RBM33: variants seen among roughly 807,000 people sequenced by gnomAD.
RBM33 encodes the protein RNA binding motif protein 33.
A neutral mutation model predicts 132.6 loss-of-function variants in RBM33; 28 were observed. The ratio of observed to expected loss-of-function variants is 0.21; its 90% CI spans 0.16 to 0.29. The LOEUF (loss-of-function observed/expected upper bound fraction) is 0.29, where lower values mean the gene tolerates loss of function less well. RBM33 is among the 10% of genes least tolerant of loss of function. The pLI is 1.00. For synonymous variants in RBM33, 634 were observed against 593.0 expected (o/e 1.07, Z -1.01); for missense variants, 1,291 against 1,518.5 (o/e 0.85, Z 2.49).
chr7:155,673,743 C>CGCGTGT (rs1799055826), intron 3 of RBM33, among the ~76,000 whole-genome samples: 1 of 133,874 alleles, frequency 7.5e-6, no homozygotes, highest in African/African-American at 2.8e-5. Context: ...TATACATACA[C>CGCGTGT]ACGTGTATAT....
At chr7:155,662,486 C>T (rs1429790003) in intron 1 of RBM33, among the ~76,000 whole-genome samples, 5 of 152,090 alleles carry the variant, frequency 3.3e-5, no homozygotes, top group African/African-American at 1.2e-4. Flanking sequence ...AGTTTTGGAG[C>T]ACTCTTGTTC....
Position 155,755,944 on chromosome 7 carries a change from G to T in RBM33, c.2980-7868G>T, listed in dbSNP as rs565067137. On this transcript the variant is annotated intron_variant, in intron 14 of 17. Coordinates refer to ENST00000401878, the MANE Select transcript of RBM33 (RefSeq NM_053043.3). ...AAAAGCGATTTTTATAGCATTAAAA[G>T]ATAATCATTTGTGGGAAAAAAATGT... Among the ~76,000 whole-genome samples the T allele has an allele frequency of 2.0e-5, 3 of 152,172 alleles. No individual in the cohort carries two copies. The East Asian group carries it at 5.8e-4, about 29-fold the overall frequency.
chr7:155,695,174 C>T (rs1368066732), intron 5 of RBM33, among the ~76,000 whole-genome samples: 1 of 152,052 alleles, frequency 6.6e-6, no homozygotes, highest in Non-Finnish European at 1.5e-5. Flanking sequence ...TTCCGTATAT[C>T]TTCTTTGCTT....
intron 14 of RBM33, among the ~76,000 whole-genome samples, chr7:155,749,415 T>C (rs1195367151): frequency 6.6e-6 from 1 of 152,258 alleles, no homozygotes; most frequent in African/African-American, 2.4e-5. Context: ...TACTAGGTGG[T>C]AAAGCTGGGC....
Position 155,737,245 on chromosome 7 carries a change from C to T in RBM33, c.1261-285C>T, listed in dbSNP as rs544792035. On this transcript the variant is annotated intron_variant, in intron 9 of 17. Coordinates refer to ENST00000401878, the MANE Select transcript of RBM33 (RefSeq NM_053043.3). ...TAGAAAGCGCTACCATCTAGGTGCG[C>T]GTGTGTGTGTGTGTGTGTGTGATTA... 1.6e-3 allele frequency among the ~76,000 whole-genome samples: 243 copies of T among 149,262 alleles called. 5 individuals are homozygous for T. In the South Asian group the frequency reaches 0.034, roughly 21 times the overall value.
At chr7:155,658,744 A>C (rs756542303) in intron 1 of RBM33, among the ~76,000 whole-genome samples, 1 of 152,214 alleles carries the variant, frequency 6.6e-6, no homozygotes, top group Admixed American at 6.5e-5. Flanking sequence ...ATGTGACAGA[A>C]GGTAGTCAAG....
intron 9 of RBM33, among the ~76,000 whole-genome samples, chr7:155,737,197 G>A (rs967198340): frequency 1.3e-5 from 2 of 152,172 alleles, no homozygotes; most frequent in African/African-American, 4.8e-5. Context: ...AGCTACTAGT[G>A]TGTACTATAC....
intron 2 of RBM33, among the ~76,000 whole-genome samples, chr7:155,672,348 A>G (rs1022771597): frequency 1.3e-5 from 2 of 152,234 alleles, no homozygotes; most frequent in African/African-American, 4.8e-5. Flanking sequence ...ATAGTGAGGC[A>G]CTACCTATAG....
chr7:155,681,049 C>T, intron 5 of RBM33, 141 bp downstream of exon 5: 1 of 675,192 alleles, frequency 1.5e-6, no homozygotes, highest in African/African-American at 1.8e-5. Flanking sequence ...GTTTCTTTAT[C>T]TGAGCTATGA....
At chr7:155,743,907 C>T (rs1801431580) in intron 13 of RBM33, among the ~76,000 whole-genome samples, 1 of 152,184 alleles carries the variant, frequency 6.6e-6, no homozygotes, top group Non-Finnish European at 1.5e-5. Flanking sequence ...GACGCCATGT[C>T]TTGCTCTGTA....
At chr7:155,663,854 G>A (rs974467780) in intron 1 of RBM33, among the ~76,000 whole-genome samples, 13 of 152,148 alleles carry the variant, frequency 8.5e-5, no homozygotes, top group African/African-American at 2.7e-4. Context: ...TTGCTTGTAT[G>A]TATGTCTGAG....
chr7:155,671,513 G>A (rs776803512), intron 2 of RBM33, among the ~76,000 whole-genome samples: 10 of 152,116 alleles, frequency 6.6e-5, no homozygotes, highest in East Asian at 1.9e-4. Flanking sequence ...TCTAAAAGGC[G>A]TTATATAGAA....
At chr7:155,743,118 A>C (rs1251334056) in intron 13 of RBM33, among the ~76,000 whole-genome samples, 1 of 152,226 alleles carries the variant, frequency 6.6e-6, no homozygotes, top group African/African-American at 2.4e-5. Context: ...TTGTTTACCA[A>C]ATTGGAAGTA....
intron 5 of RBM33, among the ~76,000 whole-genome samples, chr7:155,691,162 C>T (rs1007519370): frequency 3.3e-5 from 5 of 152,126 alleles, no homozygotes; most frequent in Admixed American, 6.6e-5. Flanking sequence ...AGGCTTTGTT[C>T]GTTTCTTTTT....
At chr7:155,743,733 C>T (rs958456481) in intron 13 of RBM33, among the ~76,000 whole-genome samples, 4 of 152,102 alleles carry the variant, frequency 2.6e-5, no homozygotes, top group African/African-American at 7.2e-5. Flanking sequence ...AGTATTTCAG[C>T]TGCTGTTCTG....
intron 1 of RBM33, among the ~76,000 whole-genome samples, chr7:155,652,617 G>A (rs1265811100): frequency 6.6e-6 from 1 of 152,186 alleles, no homozygotes; most frequent in South Asian, 2.1e-4. Flanking sequence ...TAGAAATCTA[G>A]TAGATATCTT....
intron 9 of RBM33, among the ~76,000 whole-genome samples, chr7:155,735,805 G>T (rs1319298412): frequency 1.3e-5 from 2 of 151,398 alleles, no homozygotes; most frequent in Non-Finnish European, 2.9e-5. Flanking sequence ...ATTAATTAGG[G>T]GTAAAAGACC....
chr7:155,755,086 G>A (rs968245630), intron 14 of RBM33, among the ~76,000 whole-genome samples: 6 of 152,152 alleles, frequency 3.9e-5, no homozygotes, highest in African/African-American at 9.7e-5. Flanking sequence ...TAGAAACTTC[G>A]TACAGCATGC....
intron 9 of RBM33, among the ~76,000 whole-genome samples, chr7:155,725,006 G>C (rs1296076304): frequency 1.4e-5 from 2 of 139,314 alleles, no homozygotes. Context: ...GTGTGTGTGT[G>C]TGTGTGTGTG....
Sources: gnomAD v4.1 joint callset for allele counts (sites outside exome capture counted in the v4.1 genomes callset) on GRCh38, gnomAD v4.1.1 for gene constraint, MANE v1.5 for transcripts, NCBI Gene and HGNC (gene_info 2026-07-23, HGNC 2026-07-21) for gene names.